The following ARHGEF11 variants were observed in gnomAD, a reference collection of about 807,000 sequenced individuals.
The protein encoded by ARHGEF11 is Rho guanine nucleotide exchange factor 11.
In ARHGEF11, 55 loss-of-function variants were observed where a neutral mutation model predicts 193.7. The ratio of observed to expected loss-of-function variants is 0.28; its 90% confidence interval spans 0.23 to 0.36. ARHGEF11 has a LOEUF of 0.36. ARHGEF11 is among the 10% of genes least tolerant of loss of function. The pLI, the probability that ARHGEF11 is intolerant of heterozygous loss-of-function variation, is 1.00. For missense variants in ARHGEF11, 1,723 were observed against 2,005.6 expected, an observed-to-expected ratio of 0.86 and a Z score of 2.69; for synonymous variants, 693 against 768.0, an observed-to-expected ratio of 0.90 and a Z score of 1.62.
chr1:156,936,158 T>G (rs757226255), intron 40 of ARHGEF11, 100 bp from the exon 41 acceptor site: 1 of 1,195,156 alleles, frequency 8.4e-7, no homozygotes, highest in Non-Finnish European at 1.3e-6. Context: ...AGATCCTTCA[T>G]CACCTTCCTT....
At chr1:157,014,005 G>A (rs1397209863) in intron 1 of ARHGEF11, among the ~76,000 whole-genome samples, 1 of 152,174 alleles carries the variant, frequency 6.6e-6, no homozygotes, top group African/African-American at 2.4e-5. Context: ...GCTGCACTCA[G>A]CTAGGGAAAA....
intron 40 of ARHGEF11, chr1:156,936,302 C>T (rs1655104984): frequency 3.0e-6 from 2 of 676,444 alleles, no homozygotes; most frequent in Non-Finnish European, 5.6e-6. Flanking sequence ...TAGCTGTGTC[C>T]CTGGCCCACC....
At chr1:156,951,822 AC>A in intron 21 of ARHGEF11, 123 bp from the exon 22 acceptor site, 1 of 1,282,302 alleles carries the variant, frequency 7.8e-7, no homozygotes, top group Non-Finnish European at 1.1e-6. Context: ...ACAGCACTGG[AC>A]CAAGAGTCAG....
chr1:156,992,727 T>C (rs974365745), intron 1 of ARHGEF11, among the ~76,000 whole-genome samples: 1 of 152,160 alleles, frequency 6.6e-6, no homozygotes, highest in African/African-American at 2.4e-5. Flanking sequence ...CGGTCTCACA[T>C]AGAGACAATC....
At chr1:156,978,444 T>C (rs1206367634) in intron 5 of ARHGEF11, 62 bp from the exon 6 acceptor site, 6 of 1,515,224 alleles carry the variant, frequency 4.0e-6, no homozygotes, top group Middle Eastern at 2.4e-4. Context: ...AGTCCAGCTA[T>C]ACAGGAGGGG....
intron 1 of ARHGEF11, among the ~76,000 whole-genome samples, chr1:157,043,793 T>C (rs1673040878): frequency 6.6e-6 from 1 of 152,228 alleles, no homozygotes; most frequent in South Asian, 2.1e-4. Flanking sequence ...TGTCCCATCA[T>C]TCAGGCCAAG....
chr1:156,969,489 GCT>G, intron 9 of ARHGEF11, 131 bp from the exon 10 acceptor site: 1 of 801,026 alleles, frequency 1.2e-6, no homozygotes, highest in Non-Finnish European at 2.0e-6. Context: ...TTTCCCTTCA[GCT>G]CTCTCATCCC....
intron 27 of ARHGEF11, 68 bp from the exon 28 acceptor site, chr1:156,946,855 C>T (rs911534669): frequency 1.9e-6 from 3 of 1,613,366 alleles, no homozygotes; most frequent in African/African-American, 1.3e-5. Flanking sequence ...CCTGCCTTTG[C>T]CAAATTCTCT....
At chr1:156,936,132 T>C in intron 40 of ARHGEF11, 74 bp from the exon 41 acceptor site, 1 of 1,466,528 alleles carries the variant, frequency 6.8e-7, no homozygotes. Context: ...TCTAGAAAGT[T>C]CAGGCTCACG....
chr1:157,005,308 T>G (rs1667692949), intron 1 of ARHGEF11, among the ~76,000 whole-genome samples: 1 of 152,078 alleles, frequency 6.6e-6, no homozygotes, highest in Non-Finnish European at 1.5e-5. Flanking sequence ...CCAACCCCCA[T>G]AATGTTGACC....
Position 156,947,560 on chromosome 1 carries a change from A to C in ARHGEF11, c.2342-110T>G, listed in dbSNP as rs978753579. The C allele has an allele frequency of 5.4e-5, 76 of 1,395,086 alleles. No individual in the cohort carries two copies. In the African/African-American group the frequency reaches 1.1e-3, roughly 20 times the overall value. The allele number at this position is 1,395,086 out of a possible 1,614,324, so 86.4% of individuals were successfully genotyped here. A position where few individuals can be genotyped will look rare whatever the true frequency, so the allele number is the denominator to read the frequency against. On this transcript the variant is annotated intron_variant, in intron 25 of 40. Coordinates refer to ENST00000368194, the MANE Select transcript of ARHGEF11 (RefSeq NM_198236.3). ...CACCACTCTATTTTTGGGGGAACTG[A>C]AGTGCCAGTTTCAGATCATACAGCA...
intron 1 of ARHGEF11, among the ~76,000 whole-genome samples, chr1:157,005,312 G>A (rs1667694138): frequency 6.6e-6 from 1 of 152,104 alleles, no homozygotes; most frequent in Non-Finnish European, 1.5e-5. Flanking sequence ...CCCCCATAAT[G>A]TTGACCGCCT....
intron 1 of ARHGEF11, among the ~76,000 whole-genome samples, chr1:157,015,275 TCTA>T (rs1162551794): frequency 3.3e-5 from 5 of 152,192 alleles, no homozygotes; most frequent in African/African-American, 1.2e-4. Context: ...GAATCCTAGT[TCTA>T]CTACTTACCA....
chr1:156,982,490 C>T (rs187353720), intron 3 of ARHGEF11, among the ~76,000 whole-genome samples: 1 of 152,242 alleles, frequency 6.6e-6, no homozygotes, highest in East Asian at 1.9e-4. Flanking sequence ...ACTTCAATGC[C>T]AATCCAAATG....
intron 3 of ARHGEF11, 117 bp downstream of exon 3, chr1:156,984,222 C>T: frequency 1.3e-6 from 1 of 769,078 alleles, no homozygotes; most frequent in Non-Finnish European, 2.0e-6. Context: ...CATGGAGAAC[C>T]AGTTCTAGAG....
chr1:157,038,070 T>C (rs951321706), intron 1 of ARHGEF11, among the ~76,000 whole-genome samples: 3 of 147,574 alleles, frequency 2.0e-5, no homozygotes, highest in Non-Finnish European at 4.5e-5. Flanking sequence ...GTAAGCTCTA[T>C]GTTCTCCTGT....
intron 15 of ARHGEF11, 45 bp from the exon 16 acceptor site, chr1:156,959,187 G>A (rs758553663): frequency 6.5e-7 from 1 of 1,547,612 alleles, no homozygotes; most frequent in Non-Finnish European, 8.9e-7. Context: ...GGGTACTGGG[G>A]GTGGAGGGGG....
rs796864094 is a variant in ARHGEF11, at chr1:156,937,944, C to T, written c.4193-448G>A. ...CCATGCCACGATCCTCTGGAGGTCCCTTGACCCAACCAAGGGGTGTCAGAG... is the reference window on the plus strand; with the variant it reads ...CCATGCCACGATCCTCTGGAGGTCCTTTGACCCAACCAAGGGGTGTCAGAG... On this transcript the variant is annotated intron_variant, in intron 38 of 40. Coordinates refer to ENST00000368194, the MANE Select transcript of ARHGEF11 (RefSeq NM_198236.3). Among the ~76,000 whole-genome samples, 26 of 152,306 alleles carry T rather than the reference C, an allele frequency of 1.7e-4. 1 individual carries two copies. The highest frequency in any genetic ancestry group is 6.3e-4 in the African/African-American group (26 of 41,568).
intron 8 of ARHGEF11, among the ~76,000 whole-genome samples, chr1:156,971,044 T>A (rs1662416393): frequency 6.6e-6 from 1 of 152,222 alleles, no homozygotes; most frequent in South Asian, 2.1e-4. Flanking sequence ...CCTATTGGCT[T>A]TGTCAAATGT....
Sources: gnomAD v4.1 joint callset for allele counts (sites outside exome capture counted in the v4.1 genomes callset) on GRCh38, gnomAD v4.1.1 for gene constraint, MANE v1.5 for transcripts, NCBI Gene and HGNC (gene_info 2026-07-23, HGNC 2026-07-21) for gene names.